Variants in HERC2 observed in about 807,000 individuals in gnomAD.
HERC2 encodes HECT and RLD domain containing E3 ubiquitin protein ligase 2.
A neutral mutation model predicts 537.7 loss-of-function variants in HERC2; 102 were observed. The ratio of observed to expected loss-of-function variants is 0.19; its 90% CI spans 0.16 to 0.22. The LOEUF is 0.22. HERC2 is among the 10% of genes least tolerant of loss of function. The pLI is 1.00. For missense variants in HERC2, 4,236 were observed against 6,198.2 expected, an observed-to-expected ratio of 0.68 and a Z score of 10.63; for synonymous variants, 2,224 against 2,466.2, an observed-to-expected ratio of 0.90 and a Z score of 2.91.
At chr15:28,258,178 C>G (rs1232844170) in intron 16 of HERC2, among the ~76,000 whole-genome samples, 2 of 152,044 alleles carry the variant, frequency 1.3e-5, no homozygotes, top group Non-Finnish European at 2.9e-5. Context: ...ACTTAATAAT[C>G]CATGGGTCAG....
At chr15:28,149,440 A>G (rs1892158217) in intron 70 of HERC2, among the ~76,000 whole-genome samples, 2 of 151,322 alleles carry the variant, frequency 1.3e-5, no homozygotes, top group Admixed American at 1.3e-4. Context: ...AAAAAAACAC[A>G]TGCGGCTCCT....
chr15:28,121,035 A>G (rs568750632), intron 86 of HERC2, among the ~76,000 whole-genome samples: 2 of 152,242 alleles, frequency 1.3e-5, no homozygotes, highest in Non-Finnish European at 2.9e-5. Context: ...CTCCCAATGT[A>G]ACAGCAGCGG....
chr15:28,246,078 AAAT>A lies in HERC2; in HGVS notation c.3392-15_3392-13del. 9 of 1,526,638 alleles carry A rather than the reference AAAT, an allele frequency of 5.9e-6. No individual in the cohort carries two copies. The highest frequency in any genetic ancestry group is 8.1e-6 in the Non-Finnish European group (9 of 1,115,566). The allele number at this position is 1,526,638 out of a possible 1,614,324, so 94.6% of individuals were successfully genotyped here. A position where few individuals can be genotyped will look rare whatever the true frequency, so the allele number is the denominator to read the frequency against. ...TGGAAGGAGAACACCTACATTTAAGAAATAATAAGATTTAAATAAGTATTTATC... is the reference window on the plus strand; with the variant it reads ...TGGAAGGAGAACACCTACATTTAAGAAATAAGATTTAAATAAGTATTTATC... On this transcript the variant is annotated splice_polypyrimidine_tract_variant and intron_variant, in intron 22 of 92. Transcript: ENST00000261609.
At chr15:28,281,213 C>T (rs1362837577) in intron 4 of HERC2, among the ~76,000 whole-genome samples, 3 of 152,074 alleles carry the variant, frequency 2.0e-5, no homozygotes, top group African/African-American at 7.2e-5. Flanking sequence ...TCCATACTAA[C>T]AAGTGTTTTG....
At chr15:28,132,402 A>G in intron 80 of HERC2, 141 bp from the exon 81 acceptor site, 2 of 888,174 alleles carry the variant, frequency 2.3e-6, no homozygotes, top group Non-Finnish European at 3.3e-6. Context: ...AAAATCCTAT[A>G]AGACAAAAGA....
chr15:28,167,798 G>T lies in HERC2; in HGVS notation c.10443C>A (p.Pro3481=), dbSNP rs764554463. ...EIVSSEDAVT[P]SAVTPSAPSA... The stretch of plus-strand genomic sequence containing the variant: ...AGGGGGCCGACGGAGTCACTGCAGA[G>T]GGGGTCACTGCGTCCTCAGAGGAAA... The change falls in exon 68 of 93, where the codon CCC becomes CCA. Residue 3481 remains proline, a synonymous_variant. Coordinates refer to ENST00000261609, the MANE Select transcript of HERC2 (RefSeq NM_004667.6). The T allele has an allele frequency of 6.2e-7, 1 of 1,614,062 alleles. No individual in the cohort carries two copies. The highest frequency in any genetic ancestry group is 8.5e-7 in the Non-Finnish European group (1 of 1,179,986).
At chr15:28,308,524 A>G (rs2076854467) in intron 2 of HERC2, among the ~76,000 whole-genome samples, 4 of 152,186 alleles carry the variant, frequency 2.6e-5, no homozygotes, top group Admixed American at 1.3e-4. Flanking sequence ...TTCCTTTCCA[A>G]TGTGGAGGCC....
At chr15:28,281,771 C>A (rs1287719425) in intron 4 of HERC2, among the ~76,000 whole-genome samples, 3 of 152,212 alleles carry the variant, frequency 2.0e-5, no homozygotes, top group Admixed American at 2.0e-4. Flanking sequence ...TAAAGCAGTG[C>A]CCCTGCCCTT....
intron 16 of HERC2, among the ~76,000 whole-genome samples, chr15:28,260,500 C>T (rs1325327218): frequency 6.6e-6 from 1 of 152,140 alleles, no homozygotes; most frequent in African/African-American, 2.4e-5. Flanking sequence ...CAGCTTCACA[C>T]TGCAAGTCCT....
At chr15:28,275,245 G>GA (rs2075840707) in intron 5 of HERC2, among the ~76,000 whole-genome samples, 1 of 152,204 alleles carries the variant, frequency 6.6e-6, no homozygotes, top group Non-Finnish European at 1.5e-5. Context: ...AATGTCTTGG[G>GA]AAAATGCTCA....
At chr15:28,299,693 G>A (rs1341538598) in intron 2 of HERC2, among the ~76,000 whole-genome samples, 177 bp from the exon 3 acceptor site, 1 of 152,154 alleles carries the variant, frequency 6.6e-6, no homozygotes, top group Non-Finnish European at 1.5e-5. Flanking sequence ...AGTCATCCAA[G>A]AAATATAAAT....
chr15:28,123,325 T>C (rs1889128357), intron 85 of HERC2, among the ~76,000 whole-genome samples: 1 of 152,210 alleles, frequency 6.6e-6, no homozygotes, highest in Non-Finnish European at 1.5e-5. Flanking sequence ...CATTAGAGAA[T>C]CACAATCAGG....
chr15:28,267,854 G>A (rs781156995), intron 12 of HERC2, among the ~76,000 whole-genome samples: 14 of 152,210 alleles, frequency 9.2e-5, no homozygotes, highest in Non-Finnish European at 2.1e-4. Context: ...CACAAGAAAT[G>A]GGCTTGCTGG....
intron 2 of HERC2, among the ~76,000 whole-genome samples, chr15:28,316,828 G>C (rs189252569): frequency 6.6e-6 from 1 of 152,186 alleles, no homozygotes; most frequent in Admixed American, 6.5e-5. Context: ...CCAGGCTGTA[G>C]TGCAGTGGCG....
rs1328636899 is a variant in HERC2, at chr15:28,211,638, C to T, written c.6926-493G>A. 3.9e-5 allele frequency among the ~76,000 whole-genome samples: 6 copies of T among 151,942 alleles called. No homozygotes were observed. The East Asian group carries it at 5.8e-4, about 15-fold the overall frequency. ...AGGAAGGAGGGCCGCAGGTGCCGCT[C>T]GGACACTGGCTCAACTAACTGGCAG... On this transcript the variant is annotated intron_variant, in intron 43 of 92. Transcript: ENST00000261609.
At chr15:28,298,198 G>C (rs1242780891) in intron 3 of HERC2, among the ~76,000 whole-genome samples, 1 of 146,106 alleles carries the variant, frequency 6.8e-6, no homozygotes, top group African/African-American at 2.5e-5. Context: ...CTGTCACCCA[G>C]GCTGGAGTGC....
At chr15:28,171,266 A>T (rs894674984) in intron 65 of HERC2, among the ~76,000 whole-genome samples, 1 of 152,258 alleles carries the variant, frequency 6.6e-6, no homozygotes, top group Non-Finnish European at 1.5e-5. Flanking sequence ...ATTCGATGGA[A>T]TACTGAACAT....
At chr15:28,115,357 A>C (rs1888109428) in intron 89 of HERC2, 72 bp downstream of exon 89, 1 of 1,000,816 alleles carries the variant, frequency 1.0e-6, no homozygotes. Flanking sequence ...TCACAGCCTG[A>C]CCGGACCCGC....
intron 23 of HERC2, among the ~76,000 whole-genome samples, chr15:28,244,174 G>A (rs762320845): frequency 1.2e-4 from 19 of 152,048 alleles, no homozygotes; most frequent in Middle Eastern, 3.4e-3. Flanking sequence ...CAAAAAAAAA[G>A]GTAACATATT....
Sources: gnomAD v4.1 joint callset for allele counts (sites outside exome capture counted in the v4.1 genomes callset) on GRCh38, gnomAD v4.1.1 for gene constraint, MANE v1.5 for transcripts, NCBI Gene and HGNC (gene_info 2026-07-23, HGNC 2026-07-21) for gene names.